ZDHHC13: variants seen among roughly 807,000 people sequenced by gnomAD.
ZDHHC13 encodes palmitoyltransferase ZDHHC13.
ZDHHC13 carries 85 observed loss-of-function variants against 86.0 expected under a neutral mutation model. That is an observed-to-expected ratio of 0.99 (90% CI 0.83 to 1.18). The LOEUF is 1.18. Ranked by LOEUF, ZDHHC13 falls within the 50% of genes most tolerant of loss-of-function variation. The probability of loss-of-function intolerance (pLI) is 0.00; values close to 1 mark genes in which losing one functional copy is unlikely to be tolerated. For synonymous variants in ZDHHC13, 263 were observed against 246.4 expected, an observed-to-expected ratio of 1.07 and a Z score of -0.63; for missense variants, 711 against 730.2, an observed-to-expected ratio of 0.97 and a Z score of 0.30.
At chr11:19,164,546 C>T in intron 12 of ZDHHC13, 183 bp downstream of exon 12, 1 of 613,080 alleles carries the variant, frequency 1.6e-6, no homozygotes, top group Non-Finnish European at 2.8e-6. Flanking sequence ...TGTTTATAAT[C>T]TCTTGAAGTT....
chr11:19,133,942 T>TATATATATATATATATATATATACAC, intron 1 of ZDHHC13, among the ~76,000 whole-genome samples: 5,817 of 93,762 alleles, frequency 0.062, 694 homozygotes, highest in Non-Finnish European at 0.098. Flanking sequence ...TATATATATA[T>TATATATATATATATATATATATACAC]ACACGTATGT....
chr11:19,126,091 AT>A (rs1848868376), intron 1 of ZDHHC13, among the ~76,000 whole-genome samples: 1 of 152,188 alleles, frequency 6.6e-6, no homozygotes, highest in Non-Finnish European at 1.5e-5. Flanking sequence ...TTATGGACTC[AT>A]TTAAGTAAAA....
chr11:19,129,160 A>G (rs966545270), intron 1 of ZDHHC13, among the ~76,000 whole-genome samples: 6 of 152,190 alleles, frequency 3.9e-5, no homozygotes, highest in Non-Finnish European at 7.4e-5. Context: ...TTTTTTAAAG[A>G]TTCCTTAGGA....
rs79844612 is a variant in ZDHHC13, at chr11:19,143,852, A to T, written c.173+729A>T. On this transcript the variant is annotated intron_variant, in intron 2 of 16. Transcript: ENST00000446113. ...TTGAGCAAATTTTGAAGTATTTTGT[A>T]CATCAGACTACATCAAGTATTAATC... 6.9e-3 allele frequency among the ~76,000 whole-genome samples: 1,044 copies of T among 152,328 alleles called. 9 individuals carry two copies. Among genetic ancestry groups the T allele is most frequent in the African/African-American group, 0.024 (985 of 41,584 alleles).
At chr11:19,165,838 G>T (rs537799055) in intron 13 of ZDHHC13, among the ~76,000 whole-genome samples, 1 of 152,192 alleles carries the variant, frequency 6.6e-6, no homozygotes, top group African/African-American at 2.4e-5. Context: ...CCAAAATCCC[G>T]CCTGGTTCCC....
intron 9 of ZDHHC13, among the ~76,000 whole-genome samples, chr11:19,157,136 C>T (rs1259122830): frequency 6.6e-6 from 1 of 152,232 alleles, no homozygotes; most frequent in Non-Finnish European, 1.5e-5. Context: ...TCAGCTGTCA[C>T]CTGCTTAGTG....
chr11:19,170,037 A>T (rs764298179), intron 14 of ZDHHC13: 7 of 1,027,700 alleles, frequency 6.8e-6, no homozygotes, highest in Non-Finnish European at 7.0e-6. Context: ...GTTTATATTC[A>T]GTCCTGTAAT....
chr11:19,118,752 C>T (rs1433750417), intron 1 of ZDHHC13: 1 of 152,206 alleles, frequency 6.6e-6, no homozygotes, highest in African/African-American at 2.4e-5. Context: ...CCTATATATA[C>T]TGCTTTGCAG....
In ZDHHC13 at chr11:19,166,318, C is replaced by T; in HGVS notation, c.1407C>T (p.His469=). The change falls in exon 14 of 17, where the codon CAC becomes CAT. Residue 469 remains histidine (H), a synonymous_variant. Coordinates refer to ENST00000446113, the MANE Select transcript of ZDHHC13 (RefSeq NM_019028.3). Reference sequence around the variant, plus strand: ...TTTCTTGAGGTTTTGGCAACCATCACTATTACATATTCTTCTTGTTTTTCC... The same window carrying T: ...TTTCTTGAGGTTTTGGCAACCATCATTATTACATATTCTTCTTGTTTTTCC... ...TGRCIGFGNH[H]YYIFFLFFLS... The T allele has an allele frequency of 6.2e-7, 1 of 1,611,356 alleles. No individual in the cohort carries two copies. Among genetic ancestry groups the T allele is most frequent in the Non-Finnish European group, 8.5e-7 (1 of 1,179,196 alleles).
rs565986768 is a variant in ZDHHC13 at position 19,142,919 on chromosome 11, A to G, written c.28-59A>G. 2.5e-4 allele frequency: 373 copies of G among 1,489,752 alleles called. 1 individual carries two copies. Among genetic ancestry groups the G allele is most frequent in the Middle Eastern group, 1.4e-3 (8 of 5,690 alleles). The allele number at this position is 1,489,752 out of a possible 1,614,324, so 92.3% of individuals were successfully genotyped here. Reference sequence around the variant, plus strand: ...TGTTGATAGTAGCAAATGCTTCATTATGTAATTGAGTGTGACATTAATTCT... The same window carrying G: ...TGTTGATAGTAGCAAATGCTTCATTGTGTAATTGAGTGTGACATTAATTCT... On this transcript the variant is annotated intron_variant, in intron 1 of 16. Transcript: ENST00000446113.
chr11:19,117,115 C>A, upstream of ZDHHC13: 1 of 942,194 alleles, frequency 1.1e-6, no homozygotes, highest in South Asian at 1.5e-5. The surrounding 1 kb of genome is among the most constrained non-coding windows in gnomAD (Gnocchi z 4.2). Flanking sequence ...CGGCTCAGGG[C>A]ACGAGCGGGG....
At chr11:19,130,518 A>G (rs1590062482) in intron 1 of ZDHHC13, among the ~76,000 whole-genome samples, 1 of 152,160 alleles carries the variant, frequency 6.6e-6, no homozygotes, top group South Asian at 2.1e-4. Context: ...TTCGGCTTCA[A>G]TGATTTTCTG....
At chr11:19,158,756 T>G (rs2133447630) in intron 9 of ZDHHC13, among the ~76,000 whole-genome samples, 184 bp from the exon 10 acceptor site, 1 of 152,130 alleles carries the variant, frequency 6.6e-6, no homozygotes, top group South Asian at 2.1e-4. Context: ...CTGTGTAAAA[T>G]GGGGGGATGA....
At chr11:19,120,946 T>C (rs1316174105) in intron 1 of ZDHHC13, among the ~76,000 whole-genome samples, 1 of 152,232 alleles carries the variant, frequency 6.6e-6, no homozygotes, top group African/African-American at 2.4e-5. Flanking sequence ...TAAACTGGCA[T>C]ATAGGATAAG....
chr11:19,141,364 AC>A (rs1453214978), intron 1 of ZDHHC13, among the ~76,000 whole-genome samples: 1 of 152,152 alleles, frequency 6.6e-6, no homozygotes, highest in Non-Finnish European at 1.5e-5. Flanking sequence ...GGAAACAGAA[AC>A]TTTGATCATC....
chr11:19,135,079 C>T (rs958076870), intron 1 of ZDHHC13, among the ~76,000 whole-genome samples: 4 of 152,086 alleles, frequency 2.6e-5, no homozygotes, highest in East Asian at 3.9e-4. Context: ...CCAAGATGGC[C>T]GAATAGGAAC....
chr11:19,130,026 T>C (rs1391319468), intron 1 of ZDHHC13, among the ~76,000 whole-genome samples: 5 of 151,834 alleles, frequency 3.3e-5, no homozygotes, highest in African/African-American at 1.2e-4. Context: ...AGGCAGAGCT[T>C]GCAGTGAGCC....
At chr11:19,136,037 C>T (rs1353652828) in intron 1 of ZDHHC13, among the ~76,000 whole-genome samples, 1 of 152,252 alleles carries the variant, frequency 6.6e-6, no homozygotes, top group Admixed American at 6.5e-5. Context: ...CAAAGGAACG[C>T]AGTTCCTCAC....
At chr11:19,138,128 GT>G (rs1264625224) in intron 1 of ZDHHC13, among the ~76,000 whole-genome samples, 2 of 151,894 alleles carry the variant, frequency 1.3e-5, no homozygotes, top group Admixed American at 1.3e-4. Context: ...ACAGGAGCTG[GT>G]TTTTTGAAAG....
Sources: allele counts gnomAD v4.1 joint callset (sites outside exome capture counted in the v4.1 genomes callset), GRCh38; gene constraint gnomAD v4.1.1; non-coding constraint Gnocchi (gnomAD v3.1); transcripts MANE v1.5; gene names NCBI Gene and HGNC (gene_info 2026-07-23, HGNC 2026-07-21).